The following NIPBL variants were observed in gnomAD, a reference collection of about 807,000 sequenced individuals.
NIPBL encodes nipped-B-like protein.
Under a neutral mutation model 321.8 loss-of-function variants are expected in NIPBL, and 19 were observed. That is an observed-to-expected ratio of 0.06 (90% confidence interval 0.04 to 0.09). The LOEUF (loss-of-function observed/expected upper bound fraction) is 0.09. Ranked by LOEUF, NIPBL falls within the 10% of genes least tolerant of loss-of-function variation. The pLI is 1.00. For synonymous variants in NIPBL, 1,106 were observed against 1,114.1 expected (o/e 0.99, Z 0.14); for missense variants, 2,210 against 3,327.0 (o/e 0.66, Z 8.26).
At chr5:36,878,361 T>G (rs1354357346) in intron 1 of NIPBL, among the ~76,000 whole-genome samples, 1 of 152,242 alleles carries the variant, frequency 6.6e-6, no homozygotes, top group Non-Finnish European at 1.5e-5. Context: ...CAAGTTCTAG[T>G]TCATGAGTAA....
At chr5:37,061,154 A>C in intron 45 of NIPBL, 136 bp downstream of exon 45, 2 of 678,238 alleles carry the variant, frequency 2.9e-6, no homozygotes, top group South Asian at 1.9e-5. Context: ...ATTTTTCTCT[A>C]TCTTATTTTA....
chr5:37,018,289 A>G (rs1331004550), intron 24 of NIPBL, among the ~76,000 whole-genome samples: 1 of 152,202 alleles, frequency 6.6e-6, no homozygotes, highest in Admixed American at 6.5e-5. Context: ...AAAGCAAAAA[A>G]TTATCATTAA....
chr5:37,045,295 A>G lies in NIPBL; in HGVS notation c.6344-148A>G, dbSNP rs922799981. 6 of 584,320 alleles carry G rather than the reference A, an allele frequency of 1.0e-5. No individual in the cohort carries two copies. In the East Asian group the frequency reaches 1.2e-4, roughly 12 times the overall value. 36.2% of individuals were successfully genotyped at this position (584,320 alleles called of 1,614,324 possible). ...CTTGAACACGGGAGGCGGAGGTTGCAGTGAGCCAAGATCATGTCACTGCAC... is the reference window on the plus strand; with the variant it reads ...CTTGAACACGGGAGGCGGAGGTTGCGGTGAGCCAAGATCATGTCACTGCAC... On this transcript the variant is annotated intron_variant, in intron 36 of 46. Coordinates refer to ENST00000282516, the MANE Select transcript of NIPBL (RefSeq NM_133433.4).
chr5:36,995,869 A>T (rs529647285), intron 11 of NIPBL, 65 bp downstream of exon 11: 3 of 1,441,658 alleles, frequency 2.1e-6, no homozygotes, highest in Non-Finnish European at 2.9e-6. Context: ...TGTTTTTCTC[A>T]TTTATAATTT....
intron 20 of NIPBL, 21 bp downstream of exon 20, chr5:37,008,744 T>G: frequency 8.5e-7 from 1 of 1,173,398 alleles, no homozygotes; most frequent in Non-Finnish European, 1.3e-6. Context: ...ATAACAGAGG[T>G]CAAGTTTAAT....
intron 45 of NIPBL, among the ~76,000 whole-genome samples, chr5:37,063,328 T>A (rs1754994353): frequency 6.6e-6 from 1 of 152,256 alleles, no homozygotes; most frequent in Admixed American, 6.5e-5. Flanking sequence ...ATTTTAGTTC[T>A]TATTTAAAAT....
chr5:37,033,645 GA>G (rs1751323463), intron 32 of NIPBL, among the ~76,000 whole-genome samples: 1 of 124,660 alleles, frequency 8.0e-6, no homozygotes, highest in South Asian at 2.6e-4. Context: ...AAATATAGGA[GA>G]AAAAAATTTT....
intron 1 of NIPBL, among the ~76,000 whole-genome samples, chr5:36,914,836 G>C (rs898482999): frequency 1.3e-5 from 2 of 152,078 alleles, no homozygotes; most frequent in African/African-American, 4.8e-5. Flanking sequence ...TTAGTGATTT[G>C]CCCAGAGTTA....
chr5:36,958,319 A>G, intron 4 of NIPBL, 88 bp downstream of exon 4: 2 of 1,343,574 alleles, frequency 1.5e-6, no homozygotes, highest in Admixed American at 1.8e-5. Context: ...CTGGCCTATC[A>G]GGAATGCGAT....
intron 1 of NIPBL, among the ~76,000 whole-genome samples, chr5:36,896,417 T>G (rs1305422483): frequency 6.6e-6 from 1 of 152,168 alleles, no homozygotes; most frequent in Non-Finnish European, 1.5e-5. Context: ...GGATCTCTCA[T>G]TTTCATATGA....
At chr5:37,051,959 C>A in intron 41 of NIPBL, 73 bp downstream of exon 41, 1 of 1,024,914 alleles carries the variant, frequency 9.8e-7, no homozygotes, top group South Asian at 1.3e-5. Flanking sequence ...GATAAATGCT[C>A]TGCCCACATT....
rs1327461828 is a variant in NIPBL, at chr5:36,976,262, T to C, written c.1355T>C (p.Val452Ala). 1.9e-6 allele frequency: 3 copies of C among 1,613,638 alleles called. No individual in the cohort carries two copies. In the South Asian group the frequency reaches 3.3e-5, roughly 18 times the overall value. ...SVAAKQPQTSVVQNQQQISQQ... is the reference protein window; with the variant it reads ...SVAAKQPQTSAVQNQQQISQQ... Reference sequence around the variant, plus strand: ...GCTGCAAAACAACCCCAGACTTCTGTGGTACAGAATCAACAACAGATATCA... The same window carrying C: ...GCTGCAAAACAACCCCAGACTTCTGCGGTACAGAATCAACAACAGATATCA... The change falls in exon 9 of 47, where the codon GTG (valine) becomes GCG (alanine). Residue 452 changes from valine to alanine, a missense_variant. This residue lies in a region of NIPBL where 464 missense variants were observed against 529.5 expected (regional missense o/e 0.88). Transcript: ENST00000282516.
chr5:36,879,484 G>A (rs765762499), intron 1 of NIPBL, among the ~76,000 whole-genome samples: 3 of 152,086 alleles, frequency 2.0e-5, no homozygotes, highest in Non-Finnish European at 2.9e-5. Context: ...CATTTTTAAA[G>A]GAGAAAACAT....
chr5:36,958,309 C>A, intron 4 of NIPBL, 78 bp downstream of exon 4: 6 of 1,462,784 alleles, frequency 4.1e-6, no homozygotes, highest in Non-Finnish European at 5.7e-6. Context: ...CTTTAACAAG[C>A]TGGCCTATCA....
intron 1 of NIPBL, among the ~76,000 whole-genome samples, chr5:36,909,874 G>A (rs764869668): frequency 6.6e-6 from 1 of 152,062 alleles, no homozygotes. Flanking sequence ...TCAAGAGATC[G>A]AGACTATCCT....
chr5:36,930,863 C>T (rs1361528037), intron 1 of NIPBL, among the ~76,000 whole-genome samples: 1 of 152,070 alleles, frequency 6.6e-6, no homozygotes, highest in Non-Finnish European at 1.5e-5. Context: ...GATGGTTAAC[C>T]ACCCTTGCAT....
At chr5:36,978,182 A>G (rs542207981) in intron 9 of NIPBL, among the ~76,000 whole-genome samples, 1 of 152,138 alleles carries the variant, frequency 6.6e-6, no homozygotes, top group South Asian at 2.1e-4. Context: ...AAATCTCCAT[A>G]CTGTTTTTCA....
At chr5:36,995,176 A>G (rs778145467) in intron 10 of NIPBL, 1 of 163,218 alleles carries the variant, frequency 6.1e-6, no homozygotes, top group Non-Finnish European at 1.3e-5. Context: ...GTGTCTTCCA[A>G]CACTTCTCAC....
chr5:36,990,229 G>A (rs1745339734), intron 10 of NIPBL, among the ~76,000 whole-genome samples: 1 of 152,156 alleles, frequency 6.6e-6, no homozygotes, highest in Non-Finnish European at 1.5e-5. Flanking sequence ...GCTAATGATT[G>A]CAGGCCTTAC....
Sources: gnomAD v4.1 joint callset for allele counts (sites outside exome capture counted in the v4.1 genomes callset) on GRCh38, gnomAD v4.1.1 for gene constraint, gnomAD v4.1.1 regional missense constraint, MANE v1.5 for transcripts, NCBI Gene and HGNC (gene_info 2026-07-23, HGNC 2026-07-21) for gene names.